Variants in ZNF316 observed in about 807,000 individuals in gnomAD.
ZNF316 encodes zinc finger protein 316.
A neutral mutation model predicts 75.6 loss-of-function variants in ZNF316; 23 were observed. The observed-to-expected ratio is 0.30, with a 90% CI of 0.22 to 0.43. The LOEUF (loss-of-function observed/expected upper bound fraction) is 0.43, where lower values mean the gene tolerates loss of function less well. ZNF316 is among the 20% of genes least tolerant of loss of function. The probability of loss-of-function intolerance (pLI) is 1.00; values close to 1 mark genes in which losing one functional copy is unlikely to be tolerated. For synonymous variants in ZNF316, 827 were observed against 666.2 expected, an observed-to-expected ratio of 1.24 and a Z score of -3.72; for missense variants, 1,266 against 1,409.4, an observed-to-expected ratio of 0.90 and a Z score of 1.63.
chr7:6,642,208 T>G lies in ZNF316; in HGVS notation c.-28-174T>G. Reference sequence around the variant, plus strand: ...TTCTGGGTACAGAATGTCTTGATGGTGCAGGGTAAGATCGTGGGAAGGCCC... The same window carrying G: ...TTCTGGGTACAGAATGTCTTGATGGGGCAGGGTAAGATCGTGGGAAGGCCC... On this transcript the variant is annotated intron_variant, in intron 4 of 8. Transcript: ENST00000382252. The surrounding 1 kb of genome is among the most constrained non-coding windows in gnomAD (Gnocchi z 8.1). 5.0e-6 allele frequency: 2 copies of G among 396,048 alleles called. No homozygotes were observed. Among genetic ancestry groups the G allele is most frequent in the Non-Finnish European group, 8.9e-6 (2 of 225,366 alleles). The allele number at this position is 396,048 out of a possible 1,614,324, so 24.5% of individuals were successfully genotyped here. A position where few individuals can be genotyped will look rare whatever the true frequency, so the allele number is the denominator to read the frequency against.
chr7:6,653,941 C>T lies in ZNF316; in HGVS notation c.2345C>T (p.Ala782Val), dbSNP rs1199593180. ...EKPFVCGVCG[A>V]GFSRRAHLTA... is the part of the protein sequence containing the mutation. ...CCGTTCGTGTGCGGCGTGTGCGGTG[C>T]GGGGTTCAGCCGTCGCGCGCACTTG... The change falls in exon 9 of 9, where the codon GCG (alanine) becomes GTG (valine). Residue 782 changes from alanine to valine, a missense_variant. Around this residue, in one of 3 missense-constraint regions of ZNF316, gnomAD observed 194 missense variants for 319.2 expected, o/e 0.61. Transcript: ENST00000382252. The T allele has an allele frequency of 7.0e-5, 80 of 1,149,774 alleles. No individual in the cohort carries two copies. The highest frequency in any genetic ancestry group is 8.1e-5 in the Non-Finnish European group (76 of 936,434). The allele number at this position is 1,149,774 out of a possible 1,614,324, so 71.2% of individuals were successfully genotyped here.
intron 2 of ZNF316, among the ~76,000 whole-genome samples, chr7:6,638,596 T>C (rs769039957): frequency 6.6e-6 from 1 of 152,114 alleles, no homozygotes; most frequent in Non-Finnish European, 1.5e-5. Flanking sequence ...CCATTCTAAA[T>C]GTTGGCTGCA....
At position 6,657,414 on chromosome 7, in the gene ZNF316, A is replaced by AT. The variant is rs1311164665; in HGVS notation, c.*2805dup. 2.6e-5 allele frequency among the ~76,000 whole-genome samples: 4 copies of AT among 151,722 alleles called. No individual in the cohort carries two copies. The highest frequency in any genetic ancestry group is 9.7e-5 in the African/African-American group (4 of 41,266). On this transcript the variant is annotated 3_prime_UTR_variant, in exon 9 of 9. Coordinates refer to ENST00000382252, the MANE Select transcript of ZNF316 (RefSeq NM_001278559.2). Reference sequence around the variant, plus strand: ...GTGGGAGGATCGCCTGAGACCAGAAATTCAAGGCCAACCTGGGCAACGTAT... The same window carrying AT: ...GTGGGAGGATCGCCTGAGACCAGAAATTTCAAGGCCAACCTGGGCAACGTAT...
intron 8 of ZNF316, among the ~76,000 whole-genome samples, chr7:6,645,349 G>A (rs1475556914): frequency 1.3e-5 from 2 of 152,152 alleles, no homozygotes; most frequent in South Asian, 2.1e-4. Flanking sequence ...GGTTAGGAGG[G>A]GCAATGGGTA....
chr7:6,650,234 G>T (rs1412185620), intron 8 of ZNF316, among the ~76,000 whole-genome samples: 1 of 152,192 alleles, frequency 6.6e-6, no homozygotes, highest in Non-Finnish European at 1.5e-5. Flanking sequence ...TCCCAGACCT[G>T]GGGAGTGTGG....
At position 6,654,644 on chromosome 7, in the gene ZNF316, G is replaced by A. The variant is rs1014797599; in HGVS notation, c.*33G>A. 213 of 1,174,396 alleles carry A rather than the reference G, an allele frequency of 1.8e-4. No individual in the cohort carries two copies. Among genetic ancestry groups the A allele is most frequent in the Non-Finnish European group, 2.2e-4 (206 of 950,798 alleles). 72.7% of individuals were successfully genotyped at this position (1,174,396 alleles called of 1,614,324 possible). A position where few individuals can be genotyped will look rare whatever the true frequency, so the allele number is the denominator to read the frequency against. On this transcript the variant is annotated 3_prime_UTR_variant, in exon 9 of 9. Coordinates refer to ENST00000382252, the MANE Select transcript of ZNF316 (RefSeq NM_001278559.2). Reference sequence around the variant, plus strand: ...GGGGCCGACAGCAGCGCAGCCTGCAGGGCCACCGGCCCCTCCCTTGGACGG... The same window carrying A: ...GGGGCCGACAGCAGCGCAGCCTGCAAGGCCACCGGCCCCTCCCTTGGACGG...
chr7:6,657,729 C>G lies in ZNF316; in HGVS notation c.*3118C>G, dbSNP rs957056898. ...GGGTGTGGTGGCGCACGTCTATAGTCCCAGCTACTCTGGAGGCTGAGCCTG... is the reference window on the plus strand; with the variant it reads ...GGGTGTGGTGGCGCACGTCTATAGTGCCAGCTACTCTGGAGGCTGAGCCTG... On this transcript the variant is annotated 3_prime_UTR_variant, in exon 9 of 9. Transcript: ENST00000382252. Among the ~76,000 whole-genome samples the G allele has an allele frequency of 6.6e-6, 1 of 151,068 alleles. No individual in the cohort carries two copies.
chr7:6,657,768 G>GCAGT lies in ZNF316; in HGVS notation c.*3158_*3161dup, dbSNP rs953454126. 1.2e-4 allele frequency among the ~76,000 whole-genome samples: 16 copies of GCAGT among 137,516 alleles called. 1 individual carries two copies. Among genetic ancestry groups the GCAGT allele is most frequent in the Non-Finnish European group, 3.0e-5 (2 of 66,250 alleles). 90.2% of individuals were successfully genotyped at this position (137,516 alleles called of 152,430 possible). ...AGGCTGAGCCTGGGAGGCAGAGGCT[G>GCAGT]CAGTGAACTATGATTTTTCCATTGC... On this transcript the variant is annotated 3_prime_UTR_variant, in exon 9 of 9. Coordinates refer to ENST00000382252, the MANE Select transcript of ZNF316 (RefSeq NM_001278559.2).
Position 6,652,991 on chromosome 7 carries a change from C to T in ZNF316, c.1395C>T (p.Ser465=), listed in dbSNP as rs1583447080. ...RPYPCSHCGR[S]FSQSSALARH... ...ACCCGTGTTCGCACTGCGGCCGCAG[C>T]TTCAGCCAGAGCTCGGCGCTGGCAC... Residue 465 remains serine (S), a synonymous_variant, in exon 9 of 9, where the codon AGC becomes AGT. Transcript: ENST00000382252. 8.1e-7 allele frequency: 1 copy of T among 1,232,886 alleles called. No individual in the cohort carries two copies. Among genetic ancestry groups the T allele is most frequent in the Non-Finnish European group, 1.0e-6 (1 of 987,240 alleles). 76.4% of individuals were successfully genotyped at this position (1,232,886 alleles called of 1,614,324 possible).
At chr7:6,643,737 G>A in intron 6 of ZNF316, 85 bp from the exon 7 acceptor site, 12 of 1,189,932 alleles carry the variant, frequency 1.0e-5, no homozygotes, top group Non-Finnish European at 1.2e-5. Context: ...TGACACCCAT[G>A]CTGGAGAGCC....
chr7:6,643,723 C>T (rs890170410), intron 6 of ZNF316, 99 bp from the exon 7 acceptor site: 33 of 1,114,474 alleles, frequency 3.0e-5, no homozygotes, highest in African/African-American at 1.6e-5. Flanking sequence ...GCATCTGTGT[C>T]CCCTGACACC....
chr7:6,637,659 C>A lies in ZNF316; in HGVS notation c.-430-187C>A, dbSNP rs1014029109. On this transcript the variant is annotated intron_variant, in intron 1 of 8. Coordinates refer to ENST00000382252, the MANE Select transcript of ZNF316 (RefSeq NM_001278559.2). This position sits in a 1 kb window ranked among gnomAD's most constrained non-coding sequence, Gnocchi z 6.2. ...CGCGGCAGCGCCCCCGCCTCCCGGA[C>A]CCCCGTCCGGGCCTGCGCGTTGCCG... Among the ~76,000 whole-genome samples, 14 of 151,046 alleles carry A rather than the reference C, an allele frequency of 9.3e-5. No homozygotes were observed. The highest frequency in any genetic ancestry group is 3.1e-4 in the African/African-American group (13 of 41,394).
rs1779584182 is a variant in ZNF316 at position 6,654,616 on chromosome 7, C to T, written c.*5C>T. 2.5e-6 allele frequency: 3 copies of T among 1,185,030 alleles called. No individual in the cohort carries two copies. The highest frequency in any genetic ancestry group is 7.4e-5 in the East Asian group (2 of 26,936). The allele number at this position is 1,185,030 out of a possible 1,614,324, so 73.4% of individuals were successfully genotyped here. On this transcript the variant is annotated 3_prime_UTR_variant, in exon 9 of 9. Transcript: ENST00000382252. ...TACCGGGAGGGCGTCCTGTGAGGGGCCCGGGGCCGACAGCAGCGCAGCCTG... is the reference window on the plus strand; with the variant it reads ...TACCGGGAGGGCGTCCTGTGAGGGGTCCGGGGCCGACAGCAGCGCAGCCTG...
At position 6,640,472 on chromosome 7, in the gene ZNF316, A is replaced by G. The variant is rs1779293167; in HGVS notation, c.-167+1331A>G. On this transcript the variant is annotated intron_variant, in intron 3 of 8. Coordinates refer to ENST00000382252, the MANE Select transcript of ZNF316 (RefSeq NM_001278559.2). This position sits in a 1 kb window ranked among gnomAD's most constrained non-coding sequence, Gnocchi z 5.1. ...GGGGAGGCGCCACACACTTTTAAAGACGACCAGATGTCCTGTGAACTCATT... is the reference window on the plus strand; with the variant it reads ...GGGGAGGCGCCACACACTTTTAAAGGCGACCAGATGTCCTGTGAACTCATT... Among the ~76,000 whole-genome samples the G allele has an allele frequency of 6.6e-6, 1 of 152,134 alleles. No homozygotes were observed. Among genetic ancestry groups the G allele is most frequent in the Non-Finnish European group, 1.5e-5 (1 of 68,016 alleles).
rs866217701 is a variant in ZNF316 at position 6,656,124 on chromosome 7, G to C, written c.*1513G>C. ...AGTTGGTGGGTGGGAAGAGGGCCTG[G>C]GTGGTGGCGGTCAGTTAGCCTGGCT... On this transcript the variant is annotated 3_prime_UTR_variant, in exon 9 of 9. Coordinates refer to ENST00000382252, the MANE Select transcript of ZNF316 (RefSeq NM_001278559.2). 1.3e-5 allele frequency: 2 copies of C among 152,650 alleles called. No individual in the cohort carries two copies. The highest frequency in any genetic ancestry group is 4.8e-5 in the African/African-American group (2 of 41,454). 9.5% of individuals were successfully genotyped at this position (152,650 alleles called of 1,614,324 possible). A position where few individuals can be genotyped will look rare whatever the true frequency, so the allele number is the denominator to read the frequency against.
At position 6,644,485 on chromosome 7, in the gene ZNF316, C is replaced by G. The variant is rs981494816; in HGVS notation, c.598C>G (p.Pro200Ala). The G allele has an allele frequency of 3.2e-6, 4 of 1,232,022 alleles. No individual in the cohort carries two copies. Among genetic ancestry groups the G allele is most frequent in the African/African-American group, 1.6e-5 (1 of 64,404 alleles). 76.3% of individuals were successfully genotyped at this position (1,232,022 alleles called of 1,614,324 possible). Residue 200 changes from proline (P) to alanine (A), a missense_variant, in exon 8 of 9, where the codon CCA (proline) becomes GCA (alanine). Physicochemically the swap from Pro to Ala is conservative, Grantham distance 27 (BLOSUM62 -1). Transcript: ENST00000382252. ...GCCGTCTGTTCTCCTGGCAGGATACCCAATTCCCAAGCCCGATCTGATCTT... is the reference window on the plus strand; with the variant it reads ...GCCGTCTGTTCTCCTGGCAGGATACGCAATTCCCAAGCCCGATCTGATCTT... ...NYGILVSLGY[P>A]IPKPDLIFRL...
Position 6,645,172 on chromosome 7 carries a change from C to G in ZNF316, c.706+579C>G, listed in dbSNP as rs1168358201. 3.3e-5 allele frequency among the ~76,000 whole-genome samples: 5 copies of G among 152,310 alleles called. No individual in the cohort carries two copies. The South Asian group carries it at 8.3e-4, about 25-fold the overall frequency. On this transcript the variant is annotated intron_variant, in intron 8 of 8. Coordinates refer to ENST00000382252, the MANE Select transcript of ZNF316 (RefSeq NM_001278559.2). ...GGCTCTGCTCCTTCAACTCTAAGGC[C>G]CCCTTTATTCATCTGAAGAAATTGA...
In ZNF316 at chr7:6,652,790, G is replaced by T; in HGVS notation, c.1194G>T (p.Glu398Asp). Residue 398 changes from glutamate (E) to aspartate (D), a missense_variant, in exon 9 of 9, where the codon GAG (glutamate) becomes GAT (aspartate). Physicochemically the swap from Glu to Asp is conservative, Grantham distance 45 (BLOSUM62 2). Transcript: ENST00000382252. ...TCCACCAGCGCACGCACACCGGCGA[G>T]AAGCCCTTCCCGTGCCCGGACTGCG... is the stretch of plus-strand genomic sequence containing the variant. Reference protein sequence around the residue: ...LAIHQRTHTGEKPFPCPDCGK... With the variant: ...LAIHQRTHTGDKPFPCPDCGK... 22 of 1,274,456 alleles carry T rather than the reference G, an allele frequency of 1.7e-5. No individual in the cohort carries two copies. Among genetic ancestry groups the T allele is most frequent in the Non-Finnish European group, 2.0e-5 (20 of 1,009,724 alleles). 78.9% of individuals were successfully genotyped at this position (1,274,456 alleles called of 1,614,324 possible). A position where few individuals can be genotyped will look rare whatever the true frequency, so the allele number is the denominator to read the frequency against.
In ZNF316 at chr7:6,639,348, C is replaced by T. The variant is rs1344442543; in HGVS notation, c.-167+207C>T. Among the ~76,000 whole-genome samples, 1 of 152,148 alleles carries T rather than the reference C, an allele frequency of 6.6e-6. No individual in the cohort carries two copies. Among genetic ancestry groups the T allele is most frequent in the Non-Finnish European group, 1.5e-5 (1 of 68,030 alleles). ...GGTATTCAGACATGAGCAAAGGGAG[C>T]TTCTGCCGCCCAGGAGCTGGCTGTA... On this transcript the variant is annotated intron_variant, in intron 3 of 8. Coordinates refer to ENST00000382252, the MANE Select transcript of ZNF316 (RefSeq NM_001278559.2). This position sits in a 1 kb window ranked among gnomAD's most constrained non-coding sequence, Gnocchi z 4.2.
Sources: allele counts gnomAD v4.1 joint callset (sites outside exome capture counted in the v4.1 genomes callset), GRCh38; gene constraint gnomAD v4.1.1; regional missense constraint gnomAD v4.1.1; non-coding constraint Gnocchi (gnomAD v3.1); transcripts MANE v1.5; gene names NCBI Gene and HGNC (gene_info 2026-07-23, HGNC 2026-07-21).